The following MBL2 variants were observed in gnomAD, a reference collection of about 807,000 sequenced individuals.
MBL2 encodes the protein mannose-binding protein C.
MBL2 carries 6 observed loss-of-function variants against 12.7 expected under a neutral mutation model. That is an observed-to-expected ratio of 0.47 (90% CI 0.26 to 0.94). The LOEUF (loss-of-function observed/expected upper bound fraction) is 0.94, where lower values mean the gene tolerates loss of function less well. MBL2 is among the 40% of genes least tolerant of loss of function. The probability of loss-of-function intolerance (pLI) is 0.15; values close to 1 mark genes in which losing one functional copy is unlikely to be tolerated. For missense variants in MBL2, 307 were observed against 295.2 expected (o/e 1.04, Z -0.29); for synonymous variants, 114 against 112.0 (o/e 1.02, Z -0.11).
Position 52,771,482 on chromosome 10 carries a change from G to A in MBL2, c.154C>T (p.Arg52Cys), listed in dbSNP as rs5030737. The change falls in exon 2 of 5, where the codon CGT becomes TGT. Residue 52 changes from arginine (R) to cysteine (C), a missense_variant. Coordinates refer to ENST00000674931, the MANE Select transcript of MBL2 (RefSeq NM_001378373.1). Reference protein sequence around the residue: ...GINGFPGKDGRDGTKGEKGEP... With the variant: ...GINGFPGKDGCDGTKGEKGEP... The stretch of plus-strand genomic sequence containing the variant: ...CCCTTTTCTCCCTTGGTGCCATCAC[G>A]CCCATCTTTGCCTGGGAAGCCGTTG... The A allele has an allele frequency of 0.064, 103,844 of 1,613,662 alleles. 3,819 individuals are homozygous for A. Among genetic ancestry groups the A allele is most frequent in the Non-Finnish European group, 0.072 (84,586 of 1,179,732 alleles).
rs536635133 is a variant in MBL2, at chr10:52,767,229, T to C, written c.*908A>G. 3.9e-5 allele frequency: 6 copies of C among 151,956 alleles called. No individual in the cohort carries two copies. Among genetic ancestry groups the C allele is most frequent in the South Asian group, 2.1e-4 (1 of 4,822 alleles). 9.4% of individuals were successfully genotyped at this position (151,956 alleles called of 1,614,324 possible). A position where few individuals can be genotyped will look rare whatever the true frequency, so the allele number is the denominator to read the frequency against. Reference sequence around the variant, plus strand: ...GGGTTCTCTTCCTCATGGCCAAAAATTGGAAGCCACTTAAGTGCCTATTAA... The same window carrying C: ...GGGTTCTCTTCCTCATGGCCAAAAACTGGAAGCCACTTAAGTGCCTATTAA... On this transcript the variant is annotated 3_prime_UTR_variant, in exon 5 of 5. Transcript: ENST00000674931.
chr10:52,769,831 G>A (rs1232230920), intron 3 of MBL2, among the ~76,000 whole-genome samples: 1 of 152,126 alleles, frequency 6.6e-6, no homozygotes. Flanking sequence ...TATCCAAGTG[G>A]GGAGGGCATG....
chr10:52,771,559 T>TCACA lies in MBL2; in HGVS notation c.73_76dup (p.Glu26ValfsTer2). The TCACA allele has an allele frequency of 6.2e-7, 1 of 1,613,910 alleles. No homozygotes were observed. The highest frequency in any genetic ancestry group is 8.5e-7 in the Non-Finnish European group (1 of 1,179,888). On this transcript the variant is annotated stop_gained and frameshift_variant, in exon 2 of 5. Coordinates refer to ENST00000674931, the MANE Select transcript of MBL2 (RefSeq NM_001378373.1). LOFTEE classifies it high-confidence loss of function. The stretch of plus-strand genomic sequence containing the variant: ...TGCAGGGCAGGTCTTTTGGGCATCC[T>TCACA]CACAGGTCACAGTTTCTGAGTAAGA...
intron 4 of MBL2, among the ~76,000 whole-genome samples, chr10:52,769,039 C>T (rs1447062821): frequency 6.6e-6 from 1 of 151,942 alleles, no homozygotes; most frequent in Non-Finnish European, 1.5e-5. Flanking sequence ...ATAAACCACC[C>T]CTGCCATTTA....
rs1840398337 is a variant in MBL2 at position 52,771,857 on chromosome 10, T to A, written c.-9-213A>T. Among the ~76,000 whole-genome samples, 2 of 152,160 alleles carry A rather than the reference T, an allele frequency of 1.3e-5. 1 individual carries two copies. The highest frequency in any genetic ancestry group is 4.1e-4 in the South Asian group (2 of 4,824). The stretch of plus-strand genomic sequence containing the variant: ...TAGGCACTATGATGAGCAGTGGGGA[T>A]CCTAAGGAGGGGTTCATCTGTGCCT... On this transcript the variant is annotated intron_variant, in intron 1 of 4. Coordinates refer to ENST00000674931, the MANE Select transcript of MBL2 (RefSeq NM_001378373.1).
In MBL2 at chr10:52,767,372, C is replaced by T. The variant is rs1840322132; in HGVS notation, c.*765G>A. On this transcript the variant is annotated 3_prime_UTR_variant, in exon 5 of 5. Coordinates refer to ENST00000674931, the MANE Select transcript of MBL2 (RefSeq NM_001378373.1). ...TCTCACAGACTTAATTCTGAGTAAA[C>T]AAGACATACAACATTACACACAATA... The T allele has an allele frequency of 6.6e-6, 1 of 151,970 alleles. No individual in the cohort carries two copies. The highest frequency in any genetic ancestry group is 2.4e-5 in the African/African-American group (1 of 41,254). 9.4% of individuals were successfully genotyped at this position (151,970 alleles called of 1,614,324 possible).
Position 52,768,302 on chromosome 10 carries a change from C to T in MBL2, c.582G>A (p.Gln194=). The T allele has an allele frequency of 5.0e-6, 8 of 1,613,918 alleles. No homozygotes were observed. Among genetic ancestry groups the T allele is most frequent in the Non-Finnish European group, 6.8e-6 (8 of 1,179,992 alleles). The change falls in exon 5 of 5, where the codon CAG becomes CAA. Residue 194 remains glutamine (Q), a synonymous_variant. Coordinates refer to ENST00000674931, the MANE Select transcript of MBL2 (RefSeq NM_001378373.1). The stretch of plus-strand genomic sequence containing the variant: ...GTCTATTTCCTGTCAGATCCACAAA[C>T]TGCCCTTCTGTCTTCTCATCAGTGA... ...LGITDEKTEG[Q]FVDLTGNRLT... is the part of the protein sequence containing the mutation.
rs1020868107 is a variant in MBL2 at position 52,769,309 on chromosome 10, T to A, written c.311A>T (p.Asp104Val). 4 of 1,609,006 alleles carry A rather than the reference T, an allele frequency of 2.5e-6. No homozygotes were observed. The highest frequency in any genetic ancestry group is 3.4e-6 in the Non-Finnish European group (4 of 1,176,710). Residue 104 changes from aspartate (D) to valine (V), a missense_variant, in exon 4 of 5, where the codon GAT (aspartate) becomes GTT (valine). Physicochemically the swap from Asp to Val is radical, Grantham distance 152 (BLOSUM62 -3). Transcript: ENST00000674931. ...TCTTTCTGAGGCAGCCAGGCTACTA[T>A]CACCATCTAGAAAATTAGAACAAAG... ...KGDPGKSPDG[D>V]SSLAASERKA...
At chr10:52,771,723 T>C (rs1477398071) in intron 1 of MBL2, 79 bp from the exon 2 acceptor site, 1 of 1,500,150 alleles carries the variant, frequency 6.7e-7, no homozygotes, top group South Asian at 1.3e-5. Context: ...TGTCCTACAA[T>C]CTGGGTGCAG....
At position 52,768,077 on chromosome 10, in the gene MBL2, C is replaced by G; in HGVS notation, c.*60G>C. On this transcript the variant is annotated 3_prime_UTR_variant, in exon 5 of 5. Coordinates refer to ENST00000674931, the MANE Select transcript of MBL2 (RefSeq NM_001378373.1). Reference sequence around the variant, plus strand: ...AATTGATATAATTTATCTTTTCAAGCATACTGTGGGCCTGTGGGTTGCAGT... The same window carrying G: ...AATTGATATAATTTATCTTTTCAAGGATACTGTGGGCCTGTGGGTTGCAGT... 6.6e-7 allele frequency: 1 copy of G among 1,510,470 alleles called. No individual in the cohort carries two copies. Among genetic ancestry groups the G allele is most frequent in the Non-Finnish European group, 8.9e-7 (1 of 1,129,058 alleles). The allele number at this position is 1,510,470 out of a possible 1,614,324, so 93.6% of individuals were successfully genotyped here. A position where few individuals can be genotyped will look rare whatever the true frequency, so the allele number is the denominator to read the frequency against.
chr10:52,765,438 T>C lies in MBL2; in HGVS notation c.*2699A>G, dbSNP rs1840292666. The C allele has an allele frequency of 6.6e-6, 1 of 152,232 alleles. No individual in the cohort carries two copies. The highest frequency in any genetic ancestry group is 6.5e-5 in the Admixed American group (1 of 15,282). The allele number at this position is 152,232 out of a possible 1,614,324, so 9.4% of individuals were successfully genotyped here. ...GGTTGATTTAATTTTTAAAAATCGATATGTGTTATGTATAATATCACATTA... is the reference window on the plus strand; with the variant it reads ...GGTTGATTTAATTTTTAAAAATCGACATGTGTTATGTATAATATCACATTA... On this transcript the variant is annotated 3_prime_UTR_variant, in exon 5 of 5. Transcript: ENST00000674931.
rs56196250 is a variant in MBL2, at chr10:52,767,816, T to G, written c.*321A>C. On this transcript the variant is annotated 3_prime_UTR_variant, in exon 5 of 5. Coordinates refer to ENST00000674931, the MANE Select transcript of MBL2 (RefSeq NM_001378373.1). ...TTGTAAATGGAAAAATAAATCCGTC[T>G]TATTTTCATACTGCAGCAAGTTAAC... is the stretch of plus-strand genomic sequence containing the variant. 1.3e-4 allele frequency: 25 copies of G among 195,394 alleles called. 1 individual carries two copies. In the South Asian group the frequency reaches 1.9e-3, roughly 14 times the overall value. 12.1% of individuals were successfully genotyped at this position (195,394 alleles called of 1,614,324 possible).
chr10:52,770,762 C>T lies in MBL2; in HGVS notation c.212G>A (p.Gly71Asp). The T allele has an allele frequency of 6.7e-7, 1 of 1,502,826 alleles. No individual in the cohort carries two copies. The allele number at this position is 1,502,826 out of a possible 1,614,324, so 93.1% of individuals were successfully genotyped here. Residue 71 changes from glycine (G) to aspartate (D), a missense_variant, in exon 3 of 5, where the codon GGC becomes GAC. Physicochemically the swap from Gly to Asp is moderately conservative, Grantham distance 94. Transcript: ENST00000674931. Reference sequence around the variant, plus strand: ...TGGAGGCCCCAACTTTCCAGGGGGGCCCTGTAAGCCTCTGAGCCCTTGGCC... The same window carrying T: ...TGGAGGCCCCAACTTTCCAGGGGGGTCCTGTAAGCCTCTGAGCCCTTGGCC... ...EPGQGLRGLQ[G>D]PPGKLGPPGN...
intron 4 of MBL2, among the ~76,000 whole-genome samples, chr10:52,768,870 G>A (rs1160585656): frequency 6.6e-6 from 1 of 151,922 alleles, no homozygotes; most frequent in East Asian, 1.9e-4. Context: ...GTTAACTTGA[G>A]ACCAAACAAA....
Position 52,768,006 on chromosome 10 carries a change from C to A in MBL2, c.*131G>T. ...TTGCTTTGTTGGTGCTGTTAGTGAT[C>A]ATTTTTAGTGATTGCCCACAAAAGG... On this transcript the variant is annotated 3_prime_UTR_variant, in exon 5 of 5. Transcript: ENST00000674931. 8.6e-7 allele frequency: 1 copy of A among 1,162,108 alleles called. No individual in the cohort carries two copies. Among genetic ancestry groups the A allele is most frequent in the Non-Finnish European group, 1.2e-6 (1 of 838,024 alleles). The allele number at this position is 1,162,108 out of a possible 1,614,324, so 72.0% of individuals were successfully genotyped here.
chr10:52,771,314 A>C (rs192746570), intron 2 of MBL2, 135 bp downstream of exon 2: 1 of 1,009,464 alleles, frequency 9.9e-7, no homozygotes, highest in East Asian at 2.6e-5. Context: ...CCAGAGAATG[A>C]GAGCTGAATC....
At chr10:52,771,708 C>A in intron 1 of MBL2, 64 bp from the exon 2 acceptor site, 1 of 1,522,610 alleles carries the variant, frequency 6.6e-7, no homozygotes, top group Non-Finnish European at 8.8e-7. Flanking sequence ...ACCGAGCATG[C>A]CCTCTGTCCT....
At chr10:52,768,701 A>G (rs984759163) in intron 4 of MBL2, among the ~76,000 whole-genome samples, 191 bp from the exon 5 acceptor site, 1 of 152,058 alleles carries the variant, frequency 6.6e-6, no homozygotes, top group African/African-American at 2.4e-5. Flanking sequence ...TATACTAAAA[A>G]TGTTTTTCAG....
Position 52,771,458 on chromosome 10 carries a change from C to T in MBL2, c.178G>A (p.Gly60Arg). ...DGRDGTKGEK[G>R]EPGQGLRGLQ... ...ACAGCCCAACACGTACCTGGTTCCC[C>T]CTTTTCTCCCTTGGTGCCATCACGC... The change falls in exon 2 of 5, where the codon GGG becomes AGG. Residue 60 changes from glycine (G) to arginine (R), a missense_variant. Gly to Arg is a moderately radical substitution (Grantham distance 125, BLOSUM62 -2). Coordinates refer to ENST00000674931, the MANE Select transcript of MBL2 (RefSeq NM_001378373.1). 1.2e-6 allele frequency: 2 copies of T among 1,613,776 alleles called. No homozygotes were observed. The highest frequency in any genetic ancestry group is 1.7e-6 in the Non-Finnish European group (2 of 1,179,844).
Sources: gnomAD v4.1 joint callset for allele counts (sites outside exome capture counted in the v4.1 genomes callset) on GRCh38, gnomAD v4.1.1 for gene constraint, MANE v1.5 for transcripts, NCBI Gene and HGNC (gene_info 2026-07-23, HGNC 2026-07-21) for gene names.